The following PFKFB3 variants were observed in gnomAD, a reference collection of about 807,000 sequenced individuals.
The protein encoded by PFKFB3 is 6-phosphofructo-2-kinase/fructose-2,6-bisphosphatase 3.
Under a neutral mutation model 68.0 loss-of-function variants are expected in PFKFB3, and 33 were observed. The ratio of observed to expected loss-of-function variants is 0.49; its 90% CI spans 0.37 to 0.65. The LOEUF (loss-of-function observed/expected upper bound fraction) is 0.65, where lower values mean the gene tolerates loss of function less well. Among genes scored for constraint, PFKFB3 ranks in the 30% least tolerant of loss-of-function variants. The probability of loss-of-function intolerance (pLI) is 0.00; values close to 1 mark genes in which losing one functional copy is unlikely to be tolerated. For synonymous variants in PFKFB3, 315 were observed against 288.2 expected (o/e 1.09, Z -0.94); for missense variants, 586 against 712.2 (o/e 0.82, Z 2.02).
At chr10:6,257,416 G>A (rs111844758), downstream of PFKFB3, among the ~76,000 whole-genome samples, 1,673 of 152,262 alleles carry the variant, frequency 0.011, 13 homozygotes, top group Non-Finnish European at 0.018. Context: ...ACTAATAAAG[G>A]TGGTGGGTTC....
At chr10:6,216,022 GA>G in intron 3 of PFKFB3, 102 bp from the exon 4 acceptor site, 2 of 1,052,694 alleles carry the variant, frequency 1.9e-6, no homozygotes, top group Admixed American at 3.4e-5. Context: ...GTGTAGAATG[GA>G]ACCACCAGTT....
Position 6,228,507 on chromosome 10 carries a change from A to T in PFKFB3, c.1515+2142A>T, listed in dbSNP as rs1327392401. The stretch of plus-strand genomic sequence containing the variant: ...TCAGGGCTGCAGGTCGTGGTGTGTA[A>T]TGGCCGTGGTTTAGGGCTCGGCATA... On this transcript the variant is annotated intron_variant, in intron 14 of 14. Transcript: ENST00000379775. This position sits in a 1 kb window ranked among gnomAD's most constrained non-coding sequence, Gnocchi z 4.5. Among the ~76,000 whole-genome samples, 1 of 151,824 alleles carries T rather than the reference A, an allele frequency of 6.6e-6. No homozygotes were observed. The highest frequency in any genetic ancestry group is 2.4e-5 in the African/African-American group (1 of 41,328).
At chr10:6,262,545 T>G in the PFKFB3 span, among the ~76,000 whole-genome samples, 1 of 152,190 alleles carries the variant, frequency 6.6e-6, no homozygotes, top group East Asian at 1.9e-4. Context: ...TAGTGCTTTT[T>G]GTGTCTTGCT....
intron 14 of PFKFB3, chr10:6,226,594 T>C: frequency 1.8e-6 from 1 of 551,992 alleles, no homozygotes; most frequent in Admixed American, 3.6e-5. Context: ...TCCTGGGGGC[T>C]TTCCTTGCTG....
chr10:6,222,845 CTG>C lies in PFKFB3; in HGVS notation c.1084-7_1084-6del, dbSNP rs1427993717. 2 of 1,610,894 alleles carry C rather than the reference CTG, an allele frequency of 1.2e-6. No individual in the cohort carries two copies. Among genetic ancestry groups the C allele is most frequent in the Non-Finnish European group, 1.7e-6 (2 of 1,178,220 alleles). ...CCTGAGCTCACGTGGGCCCGGCCCT[CTG>C]TGCTCAGTCCTACCAGGACCTGGTC... On this transcript the variant is annotated splice_polypyrimidine_tract_variant and splice_region_variant and intron_variant, in intron 10 of 14. Coordinates refer to ENST00000379775, the MANE Select transcript of PFKFB3 (RefSeq NM_004566.4).
chr10:6,216,863 C>G, intron 5 of PFKFB3, 83 bp downstream of exon 5: 2 of 883,084 alleles, frequency 2.3e-6, no homozygotes, highest in African/African-American at 2.1e-5. Flanking sequence ...CTGCTTGGTC[C>G]TTCCCCTCCT....
In PFKFB3 at chr10:6,221,405, G is replaced by A. The variant is rs755690043; in HGVS notation, c.856G>A (p.Val286Met). 6.0e-5 allele frequency: 97 copies of A among 1,613,788 alleles called. No homozygotes were observed. The highest frequency in any genetic ancestry group is 7.5e-5 in the Non-Finnish European group (89 of 1,180,034). The change falls in exon 9 of 15, where the codon GTG (valine) becomes ATG (methionine). Residue 286 changes from valine to methionine, a missense_variant. Transcript: ENST00000379775. ...GTTTGCCAGTGCTCTGAGCAAGTTC[G>A]TGGAGGAGCAGAACCTGAAGGACCT... is the stretch of plus-strand genomic sequence containing the variant. The part of the protein sequence containing the change: ...KKFASALSKF[V>M]EEQNLKDLRV...
At chr10:6,172,823 G>GA (rs56885054) in intron 1 of PFKFB3, among the ~76,000 whole-genome samples, 2,332 of 143,090 alleles carry the variant, frequency 0.016, 74 homozygotes, top group East Asian at 0.091. Flanking sequence ...CTTCATCTCA[G>GA]AAAAAAAAAA....
At chr10:6,216,638 C>T in intron 4 of PFKFB3, 68 bp from the exon 5 acceptor site, 1 of 1,084,066 alleles carries the variant, frequency 9.2e-7, no homozygotes. Context: ...GGCATCTTTG[C>T]TGTTCTGGTA....
intron 1 of PFKFB3, among the ~76,000 whole-genome samples, chr10:6,206,240 A>T (rs1442665667): frequency 6.9e-6 from 1 of 144,672 alleles, no homozygotes; most frequent in Admixed American, 7.0e-5. Context: ...TGGACACAGC[A>T]CATGTTTCAG....
chr10:6,219,788 T>A (rs895011760), intron 7 of PFKFB3, 95 bp downstream of exon 7: 1 of 1,392,724 alleles, frequency 7.2e-7, no homozygotes, highest in Admixed American at 2.2e-5. Flanking sequence ...TGGATACCTT[T>A]AAAAAAATTT....
chr10:6,316,011 G>C, the PFKFB3 span, among the ~76,000 whole-genome samples: 306 of 152,258 alleles, frequency 2.0e-3, no homozygotes, highest in African/African-American at 7.1e-3. Context: ...TTATATATAA[G>C]AGACTTTTCC....
chr10:6,323,847 G>A, the PFKFB3 span, among the ~76,000 whole-genome samples: 1 of 152,150 alleles, frequency 6.6e-6, no homozygotes, highest in African/African-American at 2.4e-5. Context: ...AAAATGGGAT[G>A]GTGGTTCCTT....
At chr10:6,266,269 C>T in the PFKFB3 span, among the ~76,000 whole-genome samples, 2 of 152,072 alleles carry the variant, frequency 1.3e-5, no homozygotes, top group Non-Finnish European at 2.9e-5. Flanking sequence ...TCCATAGTGT[C>T]CTTATTTATT....
At chr10:6,262,248 A>G in the PFKFB3 span, among the ~76,000 whole-genome samples, 1 of 151,562 alleles carries the variant, frequency 6.6e-6, no homozygotes, top group Admixed American at 6.6e-5. Flanking sequence ...AGGTCAGGAG[A>G]TCGAGACCAT....
At chr10:6,239,999 T>C (rs1223474928), downstream of PFKFB3, among the ~76,000 whole-genome samples, 6 of 152,176 alleles carry the variant, frequency 3.9e-5, no homozygotes, top group African/African-American at 1.2e-4. Flanking sequence ...GGGGTACATT[T>C]GCATAGATAA....
chr10:6,315,951 A>T, the PFKFB3 span, among the ~76,000 whole-genome samples: 1 of 152,218 alleles, frequency 6.6e-6, no homozygotes, highest in African/African-American at 2.4e-5. Flanking sequence ...TGGAATCCAG[A>T]ATAGTTTCTT....
intron 14 of PFKFB3, chr10:6,231,235 T>A (rs768063091): frequency 1.4e-6 from 2 of 1,441,772 alleles, no homozygotes; most frequent in Non-Finnish European, 2.0e-6. Flanking sequence ...CCAACCTGTT[T>A]CTTCCTCTCC....
At chr10:6,204,665 C>T (rs1456191245) in intron 1 of PFKFB3, among the ~76,000 whole-genome samples, 1 of 152,224 alleles carries the variant, frequency 6.6e-6, no homozygotes, top group East Asian at 1.9e-4. Context: ...GTTGCCCAGC[C>T]CAGTCAGATG....
Sources: allele counts gnomAD v4.1 joint callset (sites outside exome capture counted in the v4.1 genomes callset), GRCh38; gene constraint gnomAD v4.1.1; non-coding constraint Gnocchi (gnomAD v3.1); transcripts MANE v1.5; gene names NCBI Gene and HGNC (gene_info 2026-07-23, HGNC 2026-07-21).